The following MROH9 variants were observed in gnomAD, a reference collection of about 807,000 sequenced individuals.
The protein encoded by MROH9 is maestro heat like repeat family member 9.
Under a neutral mutation model 98.2 loss-of-function variants are expected in MROH9, and 92 were observed. That is an observed-to-expected ratio of 0.94 (90% CI 0.79 to 1.11). The LOEUF (loss-of-function observed/expected upper bound fraction) is 1.11. Among genes scored for constraint, MROH9 ranks in the 50% most tolerant of loss-of-function variants. The pLI is 0.00. For synonymous variants in MROH9, 397 were observed against 368.9 expected (o/e 1.08, Z -0.87); for missense variants, 1,057 against 1,014.8 (o/e 1.04, Z -0.57).
At chr1:171,063,593 T>C (rs992889858) in intron 21 of MROH9, among the ~76,000 whole-genome samples, 1 of 152,196 alleles carries the variant, frequency 6.6e-6, no homozygotes, top group Non-Finnish European at 1.5e-5. Context: ...TTATATATTT[T>C]TTTAAACTAT....
At chr1:170,992,374 T>G (rs769250081) in intron 12 of MROH9, 45 bp downstream of exon 12, 1 of 1,574,304 alleles carries the variant, frequency 6.4e-7, no homozygotes, top group Non-Finnish European at 8.6e-7. Flanking sequence ...ACTGTTTTCC[T>G]GATTGTGAAA....
At chr1:170,968,739 C>A (rs1296471671) in intron 7 of MROH9, among the ~76,000 whole-genome samples, 1 of 151,622 alleles carries the variant, frequency 6.6e-6, no homozygotes, top group East Asian at 1.9e-4. Context: ...CAGAGTGAGA[C>A]CCCATCTCCA....
chr1:170,952,139 T>C (rs994229882), intron 3 of MROH9, among the ~76,000 whole-genome samples: 3 of 151,964 alleles, frequency 2.0e-5, no homozygotes, highest in Non-Finnish European at 4.4e-5. Flanking sequence ...GGAACACTTT[T>C]ACACTGTTGG....
intron 20 of MROH9, among the ~76,000 whole-genome samples, chr1:171,050,186 C>A (rs576337883): frequency 1.3e-5 from 2 of 152,240 alleles, no homozygotes; most frequent in Non-Finnish European, 2.9e-5. Flanking sequence ...CTTTTGAAGA[C>A]TTACTAAATT....
At chr1:171,005,992 T>C (rs1651941409) in intron 15 of MROH9, among the ~76,000 whole-genome samples, 1 of 152,268 alleles carries the variant, frequency 6.6e-6, no homozygotes, top group South Asian at 2.1e-4. Context: ...ATATTCTAAT[T>C]TTGACTATAG....
At chr1:170,975,505 A>T (rs1210367822) in intron 8 of MROH9, among the ~76,000 whole-genome samples, 2 of 152,148 alleles carry the variant, frequency 1.3e-5, no homozygotes. Flanking sequence ...TCACCTAAAT[A>T]GTGTACATGT....
intron 21 of MROH9, 61 bp downstream of exon 21, chr1:171,062,255 A>T: frequency 8.2e-7 from 1 of 1,217,912 alleles, no homozygotes; most frequent in Non-Finnish European, 1.2e-6. Context: ...TACTATTTTT[A>T]ATTCTAGTCA....
At chr1:170,943,603 C>T (rs1649204713) in intron 1 of MROH9, among the ~76,000 whole-genome samples, 2 of 151,458 alleles carry the variant, frequency 1.3e-5, no homozygotes, top group Non-Finnish European at 3.0e-5. Flanking sequence ...ACAAGGAATC[C>T]TTTGGAAATC....
chr1:170,946,587 A>T (rs976918048), intron 2 of MROH9, among the ~76,000 whole-genome samples: 3 of 152,056 alleles, frequency 2.0e-5, no homozygotes, highest in Non-Finnish European at 4.4e-5. Context: ...ATGTTAGTTA[A>T]CATTGGAGGG....
Position 170,986,720 on chromosome 1 carries a change from T to C in MROH9, c.879+10T>C. The C allele has an allele frequency of 6.2e-6, 10 of 1,612,656 alleles. No homozygotes were observed. Among genetic ancestry groups the C allele is most frequent in the Non-Finnish European group, 7.6e-6 (9 of 1,179,240 alleles). On this transcript the variant is annotated intron_variant, in intron 10 of 21. Transcript: ENST00000367759. ...CGAGAAGGTCACCATGGTAAGATAC[T>C]TGACAATAAGCAGGAGAGCACAGGG...
chr1:170,990,033 A>G, intron 11 of MROH9, 30 bp downstream of exon 11: 1 of 1,585,420 alleles, frequency 6.3e-7, no homozygotes, highest in South Asian at 1.1e-5. Flanking sequence ...TGTCCCTTCC[A>G]CAAGGGCTTG....
At chr1:170,991,457 C>T (rs1177896239) in intron 11 of MROH9, among the ~76,000 whole-genome samples, 1 of 152,104 alleles carries the variant, frequency 6.6e-6, no homozygotes, top group African/African-American at 2.4e-5. Context: ...AACCTAAACA[C>T]AGAAGGCTGA....
intron 6 of MROH9, 147 bp downstream of exon 6, chr1:170,962,123 G>A (rs1650038158): frequency 1.9e-6 from 1 of 536,602 alleles, no homozygotes; most frequent in South Asian, 2.6e-5. Flanking sequence ...GTGAAATGTA[G>A]TCACTTCCCT....
intron 20 of MROH9, among the ~76,000 whole-genome samples, chr1:171,043,190 C>A (rs1298552711): frequency 6.6e-6 from 1 of 152,094 alleles, no homozygotes; most frequent in Non-Finnish European, 1.5e-5. Flanking sequence ...GGTCTAGATT[C>A]ATTCTCCTGC....
At position 170,954,399 on chromosome 1, in the gene MROH9, T is replaced by C. The variant is rs557630498; in HGVS notation, c.73-4062T>C. ...TTTATATTTTCTGTATCAATTCATC[T>C]ATCAGAGGACACTTAGGTTGATTCC... On this transcript the variant is annotated intron_variant, in intron 3 of 21. Transcript: ENST00000367759. Among the ~76,000 whole-genome samples the C allele has an allele frequency of 1.1e-4, 17 of 152,246 alleles. 1 individual carries two copies. In the South Asian group the frequency reaches 3.3e-3, roughly 30 times the overall value.
intron 19 of MROH9, among the ~76,000 whole-genome samples, chr1:171,025,025 T>C (rs925309506): frequency 6.6e-6 from 1 of 152,128 alleles, no homozygotes; most frequent in East Asian, 1.9e-4. Flanking sequence ...GGTATTAAGG[T>C]AGGAAGAACA....
chr1:171,050,447 T>G (rs1448254073), intron 20 of MROH9, among the ~76,000 whole-genome samples: 1 of 152,198 alleles, frequency 6.6e-6, no homozygotes, highest in Non-Finnish European at 1.5e-5. Context: ...CTATTGTAGA[T>G]GGGATTTAGT....
At chr1:170,937,940 G>A (rs538147142) in intron 1 of MROH9, among the ~76,000 whole-genome samples, 1 of 152,080 alleles carries the variant, frequency 6.6e-6, no homozygotes, top group African/African-American at 2.4e-5. Context: ...TAAAGGTCTG[G>A]GTCACTAGTA....
intron 13 of MROH9, 118 bp from the exon 14 acceptor site, chr1:170,996,389 C>A: frequency 9.3e-7 from 1 of 1,070,794 alleles, no homozygotes; most frequent in Non-Finnish European, 1.4e-6. Context: ...TCCATTGAGA[C>A]ATCCCCTTTC....
Sources: gnomAD v4.1 joint callset for allele counts (sites outside exome capture counted in the v4.1 genomes callset) on GRCh38, gnomAD v4.1.1 for gene constraint, MANE v1.5 for transcripts, NCBI Gene and HGNC (gene_info 2026-07-23, HGNC 2026-07-21) for gene names.